GUCY2D: variants seen among roughly 807,000 people sequenced by gnomAD.
The protein encoded by GUCY2D is guanylate cyclase 2D, retinal.
GUCY2D carries 70 observed loss-of-function variants against 101.3 expected under a neutral mutation model. The observed-to-expected ratio is 0.69, with a 90% CI of 0.57 to 0.84. The LOEUF is 0.84. Ranked by LOEUF, GUCY2D falls within the 40% of genes least tolerant of loss-of-function variation. The probability of loss-of-function intolerance (pLI) is 0.00; values close to 1 mark genes in which losing one functional copy is unlikely to be tolerated. For missense variants in GUCY2D, 1,460 were observed against 1,542.5 expected (o/e 0.95, Z 0.90); for synonymous variants, 688 against 670.7 (o/e 1.03, Z -0.40).
chr17:8,007,793 A>AGTAAT, intron 6 of GUCY2D, 138 bp from the exon 7 acceptor site: 1 of 712,338 alleles, frequency 1.4e-6, no homozygotes, highest in Non-Finnish European at 2.6e-6. Context: ...GCACTTGGGG[A>AGTAAT]GTAATGTCAT....
chr17:8,016,007 C>T lies in GUCY2D; in HGVS notation c.3124C>T (p.Arg1042Cys), dbSNP rs569363032. ...GGGCTACCAGGTGGAGCTGCGAGGC[C>T]GCACGGAGCTGAAGGTGAGGCAGGG... is the stretch of plus-strand genomic sequence containing the variant. ...DSGYQVELRG[R>C]TELKGKGAED... Residue 1042 changes from arginine to cysteine, a missense_variant, in exon 17 of 20, where the codon CGC becomes TGC. Around this residue, in one of 3 missense-constraint regions of GUCY2D, gnomAD observed 215 missense variants for 227.9 expected, o/e 0.94. Coordinates refer to ENST00000254854, the MANE Select transcript of GUCY2D (RefSeq NM_000180.4). The T allele has an allele frequency of 1.5e-5, 24 of 1,608,366 alleles. No individual in the cohort carries two copies. In the East Asian group the frequency reaches 1.8e-4, roughly 12 times the overall value.
In GUCY2D at chr17:8,004,353, C is replaced by T. The variant is rs78761797; in HGVS notation, c.1026+197C>T. On this transcript the variant is annotated intron_variant, in intron 3 of 19. Transcript: ENST00000254854. ...GATTGCCTCTAGAGAGTAGGCAATT[C>T]GACCTCTCAAGTCCAACATCAAGCA... is the stretch of plus-strand genomic sequence containing the variant. Among the ~76,000 whole-genome samples the T allele has an allele frequency of 2.7e-3, 408 of 152,246 alleles. 14 individuals are homozygous for T. The East Asian group carries it at 0.055, about 20-fold the overall frequency.
Position 8,003,416 on chromosome 17 carries a change from C to T in GUCY2D, c.369C>T (p.Gly123=), listed in dbSNP as rs529594203. The T allele has an allele frequency of 1.5e-3, 2,286 of 1,502,724 alleles. 4 individuals carry two copies. The highest frequency in any genetic ancestry group is 1.8e-3 in the Non-Finnish European group (2,088 of 1,133,038). The allele number at this position is 1,502,724 out of a possible 1,614,324, so 93.1% of individuals were successfully genotyped here. ...AVSSALARVS[G]LVGPVNPAAC... ...CCTCCGCGCTGGCCCGCGTGTCGGG[C>T]CTCGTGGGTCCGGTGAACCCTGCGG... Residue 123 remains glycine (G), a synonymous_variant, in exon 2 of 20, where the codon GGC becomes GGT. Coordinates refer to ENST00000254854, the MANE Select transcript of GUCY2D (RefSeq NM_000180.4).
intron 17 of GUCY2D, 50 bp from the exon 18 acceptor site, chr17:8,016,155 A>C (rs1975968906): frequency 7.4e-7 from 1 of 1,359,162 alleles, no homozygotes; most frequent in Non-Finnish European, 1.0e-6. Flanking sequence ...GAGATCCCCC[A>C]CCCCTCACCC....
chr17:8,014,798 G>GGGGC lies in GUCY2D; in HGVS notation c.2576+34_2576+35insGGGC. 1.8e-6 allele frequency: 1 copy of GGGGC among 558,708 alleles called. No individual in the cohort carries two copies. The highest frequency in any genetic ancestry group is 3.5e-6 in the Non-Finnish European group (1 of 284,680). 34.6% of individuals were successfully genotyped at this position (558,708 alleles called of 1,614,324 possible). On this transcript the variant is annotated intron_variant, in intron 13 of 19. Coordinates refer to ENST00000254854, the MANE Select transcript of GUCY2D (RefSeq NM_000180.4). The surrounding 1 kb of genome is among the most constrained non-coding windows in gnomAD (Gnocchi z 4.0). ...CAGTGGGAAGGGGTGGGCTGGGAGG[G>GGGGC]CAGCTGGAGCCCAGCCAGGTAGAGT...
intron 3 of GUCY2D, 83 bp from the exon 4 acceptor site, chr17:8,006,280 C>T: frequency 9.6e-7 from 1 of 1,046,986 alleles, no homozygotes. Flanking sequence ...CAGTGGATAC[C>T]CTGGGCTTGA....
At chr17:8,012,969 G>A (rs1395946890) in intron 10 of GUCY2D, 134 bp from the exon 11 acceptor site, 19 of 731,058 alleles carry the variant, frequency 2.6e-5, no homozygotes, top group Non-Finnish European at 3.6e-5. Flanking sequence ...ATAGTTGCAG[G>A]GCTGGTCTCA....
Position 8,016,212 on chromosome 17 carries a change from G to A in GUCY2D, c.3146G>A (p.Gly1049Asp). ...TCTCCCATGTCTCCCCAGGGCAAGG[G>A]CGCCGAGGACACTTTCTGGCTAGTG... is the stretch of plus-strand genomic sequence containing the variant. ...LRGRTELKGK[G>D]AEDTFWLVGR... is the part of the protein sequence containing the mutation. Residue 1049 changes from glycine (G) to aspartate (D), a missense_variant, in exon 18 of 20, where the codon GGC (glycine) becomes GAC (aspartate). Physicochemically the swap from Gly to Asp is moderately conservative, Grantham distance 94. Around this residue, in one of 3 missense-constraint regions of GUCY2D, gnomAD observed 215 missense variants for 227.9 expected, o/e 0.94. Transcript: ENST00000254854. 2 of 1,587,936 alleles carry A rather than the reference G, an allele frequency of 1.3e-6. No individual in the cohort carries two copies. The highest frequency in any genetic ancestry group is 1.7e-6 in the Non-Finnish European group (2 of 1,166,948).
chr17:8,003,590 G>C lies in GUCY2D; in HGVS notation c.543G>C (p.Trp181Cys). ...ACGCCCTGCTTCGCGCATTCGGCTGGGCGCGCGTGGCCCTGGTCACCGCCC... is the reference window on the plus strand; with the variant it reads ...ACGCCCTGCTTCGCGCATTCGGCTGCGCGCGCGTGGCCCTGGTCACCGCCC... ...ALYALLRAFG[W>C]ARVALVTAPQ... The change falls in exon 2 of 20, where the codon TGG (tryptophan) becomes TGC (cysteine). Residue 181 changes from tryptophan (W) to cysteine (C), a missense_variant. Trp to Cys is a radical substitution (Grantham distance 215, BLOSUM62 -2). This residue lies in a region of GUCY2D where 1,196 missense variants were observed against 1,229.6 expected (regional missense o/e 0.97). Transcript: ENST00000254854. The C allele has an allele frequency of 6.3e-7, 1 of 1,585,810 alleles. No individual in the cohort carries two copies. Among genetic ancestry groups the C allele is most frequent in the Non-Finnish European group, 8.5e-7 (1 of 1,172,634 alleles).
At chr17:8,006,168 G>A (rs1975732969) in intron 3 of GUCY2D, among the ~76,000 whole-genome samples, 195 bp from the exon 4 acceptor site, 1 of 151,874 alleles carries the variant, frequency 6.6e-6, no homozygotes, top group African/African-American at 2.4e-5. Flanking sequence ...GGGGAGGGAG[G>A]AAGAGAGAGC....
chr17:8,006,945 C>T (rs1975755633), intron 4 of GUCY2D, 115 bp from the exon 5 acceptor site: 2 of 901,560 alleles, frequency 2.2e-6, no homozygotes, highest in Non-Finnish European at 3.6e-6. Context: ...CCCCTAGAGC[C>T]TCTCTGGGCC....
chr17:8,003,801 C>A (rs755787827), intron 2 of GUCY2D, 33 bp downstream of exon 2: 1 of 1,602,892 alleles, frequency 6.2e-7, no homozygotes, highest in Admixed American at 1.7e-5. Flanking sequence ...AGGAGGTCGG[C>A]TGGTCCTGCC....
At chr17:8,017,403 G>A (rs1299094005) in intron 19 of GUCY2D, among the ~76,000 whole-genome samples, 3 of 152,174 alleles carry the variant, frequency 2.0e-5, no homozygotes, top group Non-Finnish European at 4.4e-5. Flanking sequence ...CAGAGGAAGT[G>A]GAGTTCTGTT....
rs538719629 is a variant in GUCY2D, at chr17:8,007,041, C to T, written c.1379-19C>T. 24 of 1,602,848 alleles carry T rather than the reference C, an allele frequency of 1.5e-5. No individual in the cohort carries two copies. In the South Asian group the frequency reaches 2.5e-4, roughly 17 times the overall value. ...CCTGGCATCGCTCCTCAGTATACCTCCTGTCACTGTCCCTTCAGGACTGGA... is the reference window on the plus strand; with the variant it reads ...CCTGGCATCGCTCCTCAGTATACCTTCTGTCACTGTCCCTTCAGGACTGGA... On this transcript the variant is annotated intron_variant, in intron 4 of 19. Transcript: ENST00000254854.
At chr17:8,017,944 T>A (rs1054270817) in intron 19 of GUCY2D, among the ~76,000 whole-genome samples, 5 of 152,194 alleles carry the variant, frequency 3.3e-5, no homozygotes, top group Non-Finnish European at 5.9e-5. Flanking sequence ...TCTGCCCACC[T>A]TGGCCTCCCA....
rs143761257 is a variant in GUCY2D, at chr17:8,015,934, C to A, written c.3051C>A (p.Arg1017=). 6 of 1,611,352 alleles carry A rather than the reference C, an allele frequency of 3.7e-6. No individual in the cohort carries two copies. Among genetic ancestry groups the A allele is most frequent in the Non-Finnish European group, 5.1e-6 (6 of 1,178,946 alleles). ...CGTCCCCCACCGCCACAGCTTACCG[C>A]ATCCACGTGAACTTGAGCACTGTGG... ...SRMESTGLPY[R]IHVNLSTVGI... Residue 1017 remains arginine (R), a synonymous_variant, in exon 17 of 20, where the codon CGC becomes CGA. Coordinates refer to ENST00000254854, the MANE Select transcript of GUCY2D (RefSeq NM_000180.4).
rs752804462 is a variant in GUCY2D at position 8,003,539 on chromosome 17, C to T, written c.492C>T (p.Ala164=). ...WTQAEGTTAP[A]VTPAADALYA... The stretch of plus-strand genomic sequence containing the variant: ...AGGCGGAGGGCACCACGGCCCCTGC[C>T]GTGACCCCCGCCGCGGATGCCCTCT... The change falls in exon 2 of 20, where the codon GCC becomes GCT. Residue 164 remains alanine (A), a synonymous_variant. Coordinates refer to ENST00000254854, the MANE Select transcript of GUCY2D (RefSeq NM_000180.4). The T allele has an allele frequency of 2.6e-6, 4 of 1,549,924 alleles. No homozygotes were observed. The highest frequency in any genetic ancestry group is 2.4e-5 in the East Asian group (1 of 41,722).
Position 8,006,624 on chromosome 17 carries a change from G to T in GUCY2D, c.1288G>T (p.Ala430Ser), listed in dbSNP as rs147586061. ...LDPARGSFLS[A>S]GTRMHFPRGG... ...TCCTGCCCGGGGCTCCTTCCTCTCC[G>T]CCGGTACCCGGATGCACTTCCCGCG... Residue 430 changes from alanine (A) to serine (S), a missense_variant, in exon 4 of 20, where the codon GCC becomes TCC. By Grantham distance (99) the Ala-to-Ser change is moderately conservative (BLOSUM62 1). This residue lies in a region of GUCY2D where 1,196 missense variants were observed against 1,229.6 expected (regional missense o/e 0.97). Coordinates refer to ENST00000254854, the MANE Select transcript of GUCY2D (RefSeq NM_000180.4). 1 of 1,612,730 alleles carries T rather than the reference G, an allele frequency of 6.2e-7. No individual in the cohort carries two copies. Among genetic ancestry groups the T allele is most frequent in the Non-Finnish European group, 8.5e-7 (1 of 1,179,602 alleles).
Position 8,003,869 on chromosome 17 carries a change from C to A in GUCY2D, c.739C>A (p.His247Asn). 1 of 1,612,740 alleles carries A rather than the reference C, an allele frequency of 6.2e-7. No individual in the cohort carries two copies. ...GTCCGCAGCAGTGATCATGGTGATG[C>A]ACTCGGTGCTGCTGGGTGGCGAGGA... ...PRVTAVIMVM[H>N]SVLLGGEEQR... The change falls in exon 3 of 20, where the codon CAC (histidine) becomes AAC (asparagine). Residue 247 changes from histidine to asparagine, a missense_variant. His to Asn is a moderately conservative substitution (Grantham distance 68). This residue lies in a region of GUCY2D where 1,196 missense variants were observed against 1,229.6 expected (regional missense o/e 0.97). Coordinates refer to ENST00000254854, the MANE Select transcript of GUCY2D (RefSeq NM_000180.4).
Sources: allele counts gnomAD v4.1 joint callset (sites outside exome capture counted in the v4.1 genomes callset), GRCh38; gene constraint gnomAD v4.1.1; regional missense constraint gnomAD v4.1.1; non-coding constraint Gnocchi (gnomAD v3.1); transcripts MANE v1.5; gene names NCBI Gene and HGNC (gene_info 2026-07-23, HGNC 2026-07-21).